Variants in PTPRD observed in about 807,000 individuals in gnomAD.
PTPRD encodes the protein protein tyrosine phosphatase receptor type D.
In PTPRD, 34 loss-of-function variants were observed where a neutral mutation model predicts 214.5. That is an observed-to-expected ratio of 0.16 (90% confidence interval 0.12 to 0.21). The LOEUF is 0.21. Among genes scored for constraint, PTPRD ranks in the 10% least tolerant of loss-of-function variants. The pLI, the probability that PTPRD is intolerant of heterozygous loss-of-function variation, is 1.00. For missense variants in PTPRD, 2,545 were observed against 2,398.7 expected (o/e 1.06, Z -1.27); for synonymous variants, 1,128 against 845.7 (o/e 1.33, Z -5.79).
chr9:9,315,242 T>TTA (rs1023090532), intron 9 of PTPRD, among the ~76,000 whole-genome samples: 1 of 151,962 alleles, frequency 6.6e-6, no homozygotes, highest in African/African-American at 2.4e-5. Flanking sequence ...TTTTATATCC[T>TTA]TATCTGAAGT....
At chr9:8,759,615 C>CT (rs77725373) in intron 11 of PTPRD, among the ~76,000 whole-genome samples, 15,397 of 98,792 alleles carry the variant, frequency 0.16, 1,840 homozygotes, top group African/African-American at 0.38. Context: ...TGTTACATTT[C>CT]TTTTTTTTTT....
chr9:9,863,884 G>C (rs2063342431), intron 5 of PTPRD, among the ~76,000 whole-genome samples: 1 of 151,036 alleles, frequency 6.6e-6, no homozygotes, highest in Non-Finnish European at 1.5e-5. Context: ...AGATTTGATT[G>C]AACTATACCT....
intron 4 of PTPRD, among the ~76,000 whole-genome samples, chr9:9,971,706 C>T (rs1369099637): frequency 3.9e-5 from 6 of 152,096 alleles, no homozygotes; most frequent in Non-Finnish European, 7.3e-5. Flanking sequence ...AATAGCACCA[C>T]CAAGCTGCTG....
At chr9:8,809,276 C>T (rs2096752668) in intron 11 of PTPRD, among the ~76,000 whole-genome samples, 1 of 152,212 alleles carries the variant, frequency 6.6e-6, no homozygotes, top group Middle Eastern at 3.4e-3. Context: ...TTATACAGTT[C>T]TTTGCCAACC....
Position 8,826,534 on chromosome 9 carries a change from G to T in PTPRD, c.-103-92588C>A, listed in dbSNP as rs919785582. Among the ~76,000 whole-genome samples, 3 of 151,792 alleles carry T rather than the reference G, an allele frequency of 2.0e-5. No homozygotes were observed. In the South Asian group the frequency reaches 6.3e-4, roughly 32 times the overall value. ...ATTTCCTGCCTTTTATCCTTCATAC[G>T]TGCTGATACCAGCTACCCATATCCA... is the stretch of plus-strand genomic sequence containing the variant. On this transcript the variant is annotated intron_variant, in intron 11 of 45. Transcript: ENST00000381196.
chr9:8,695,908 T>A (rs1484674651), intron 12 of PTPRD, among the ~76,000 whole-genome samples: 1 of 152,216 alleles, frequency 6.6e-6, no homozygotes, highest in Non-Finnish European at 1.5e-5. Flanking sequence ...CTCTCTATTC[T>A]CAGATTATCT....
chr9:9,756,953 A>G (rs1346745599), intron 6 of PTPRD, among the ~76,000 whole-genome samples: 1 of 152,164 alleles, frequency 6.6e-6, no homozygotes. Flanking sequence ...TGTGAAGCTC[A>G]TTTTACCTGG....
intron 2 of PTPRD, among the ~76,000 whole-genome samples, chr9:10,501,213 T>C (rs1589541796): frequency 6.6e-6 from 1 of 152,012 alleles, no homozygotes; most frequent in Non-Finnish European, 1.5e-5. Context: ...CTGGTGCCTA[T>C]CTTTGGGATA....
chr9:10,386,662 A>AT (rs71332740), intron 2 of PTPRD, among the ~76,000 whole-genome samples: 131,774 of 151,230 alleles, frequency 0.87, 57,440 homozygotes, highest in African/African-American at 0.91. Context: ...AGACCAAAAA[A>AT]ACAAAACAAA....
At chr9:8,588,724 G>C (rs1197584335) in intron 14 of PTPRD, among the ~76,000 whole-genome samples, 3 of 152,090 alleles carry the variant, frequency 2.0e-5, no homozygotes, top group African/African-American at 7.2e-5. Flanking sequence ...ATAATGCAAA[G>C]AAAACCAGAC....
intron 7 of PTPRD, among the ~76,000 whole-genome samples, chr9:9,584,344 A>G (rs1207949525): frequency 9.9e-6 from 1 of 101,064 alleles, no homozygotes; most frequent in Non-Finnish European, 2.3e-5. Flanking sequence ...ACATTAAAAC[A>G]TTTTATTTCA....
At chr9:9,914,886 T>A (rs1326110913) in intron 5 of PTPRD, among the ~76,000 whole-genome samples, 1 of 152,128 alleles carries the variant, frequency 6.6e-6, no homozygotes. Context: ...AGGCTGCCCT[T>A]GGAAGACATG....
At chr9:9,481,555 G>T (rs991961101) in intron 8 of PTPRD, among the ~76,000 whole-genome samples, 3 of 151,710 alleles carry the variant, frequency 2.0e-5, no homozygotes, top group African/African-American at 4.8e-5. Flanking sequence ...AAAATCAGAA[G>T]AAAAATGAAT....
chr9:8,801,371 G>C (rs12336092), intron 11 of PTPRD, among the ~76,000 whole-genome samples: 6,214 of 152,240 alleles, frequency 0.041, 218 homozygotes, highest in African/African-American at 0.097. Context: ...TAACATTTCA[G>C]TCATTCTGAA....
chr9:10,389,409 T>C (rs111587116), intron 2 of PTPRD, among the ~76,000 whole-genome samples: 2,623 of 151,964 alleles, frequency 0.017, 74 homozygotes, highest in African/African-American at 0.06. Flanking sequence ...AGATATCCCA[T>C]GTTACTGATA....
At chr9:8,927,744 A>G (rs2098912805) in intron 11 of PTPRD, among the ~76,000 whole-genome samples, 1 of 152,164 alleles carries the variant, frequency 6.6e-6, no homozygotes, top group Admixed American at 6.5e-5. Flanking sequence ...TGCTGGGTCA[A>G]ATGGTATTTC....
intron 11 of PTPRD, among the ~76,000 whole-genome samples, chr9:8,798,880 T>C (rs1484776500): frequency 1.3e-5 from 2 of 152,180 alleles, no homozygotes; most frequent in Non-Finnish European, 2.9e-5. Flanking sequence ...GTCTCATTGC[T>C]GCAGTTTAAG....
intron 2 of PTPRD, among the ~76,000 whole-genome samples, chr9:10,500,667 A>G (rs1043038813): frequency 6.6e-6 from 1 of 151,788 alleles, no homozygotes; most frequent in Non-Finnish European, 1.5e-5. Context: ...TTTTGTACCC[A>G]TTAGCCATTC....
intron 2 of PTPRD, among the ~76,000 whole-genome samples, chr9:10,436,560 A>G (rs545745732): frequency 6.6e-6 from 1 of 151,792 alleles, no homozygotes; most frequent in Non-Finnish European, 1.5e-5. Flanking sequence ...ATTATATAAA[A>G]TGCACGTATT....
Sources: allele counts gnomAD v4.1 joint callset (sites outside exome capture counted in the v4.1 genomes callset), GRCh38; gene constraint gnomAD v4.1.1; transcripts MANE v1.5; gene names NCBI Gene and HGNC (gene_info 2026-07-23, HGNC 2026-07-21).